FLYWCH1: variants seen among roughly 807,000 people sequenced by gnomAD.
FLYWCH1 encodes FLYWCH-type zinc finger 1.
FLYWCH1 carries 75 observed loss-of-function variants against 66.4 expected under a neutral mutation model. That is an observed-to-expected ratio of 1.13 (90% CI 0.94 to 1.37). FLYWCH1 has a LOEUF of 1.37. Ranked by LOEUF, FLYWCH1 falls within the 40% of genes most tolerant of loss-of-function variation. The pLI is 0.00. For missense variants in FLYWCH1, 1,334 were observed against 1,001.8 expected, an observed-to-expected ratio of 1.33 and a Z score of -4.48; for synonymous variants, 595 against 429.9, an observed-to-expected ratio of 1.38 and a Z score of -4.75.
At position 2,923,034 on chromosome 16, in the gene FLYWCH1, A is replaced by G. The variant is rs189224562; in HGVS notation, c.-73-6579A>G. Reference sequence around the variant, plus strand: ...TTTTTTTGGGGGGGCTGTTGTGTGGATCTTTTTTTGTGTGTGTGTGGCTGT... The same window carrying G: ...TTTTTTTGGGGGGGCTGTTGTGTGGGTCTTTTTTTGTGTGTGTGTGGCTGT... On this transcript the variant is annotated intron_variant, in intron 2 of 9. Transcript: ENST00000253928. 1.5e-3 allele frequency: 673 copies of G among 436,248 alleles called. 7 individuals carry two copies. Among genetic ancestry groups the G allele is most frequent in the African/African-American group, 0.013 (620 of 48,036 alleles). The allele number at this position is 436,248 out of a possible 1,614,324, so 27.0% of individuals were successfully genotyped here.
At chr16:2,936,490 C>T in intron 6 of FLYWCH1, 1 of 447,142 alleles carries the variant, frequency 2.2e-6, no homozygotes. Context: ...TGCTACCCAC[C>T]CCCATCCCCT....
rs540423918 is a variant in FLYWCH1, at chr16:2,929,603, C to G, written c.-73-10C>G. 281 of 1,475,892 alleles carry G rather than the reference C, an allele frequency of 1.9e-4. 2 individuals are homozygous for G. The South Asian group carries it at 3.6e-3, about 19-fold the overall frequency. The allele number at this position is 1,475,892 out of a possible 1,614,324, so 91.4% of individuals were successfully genotyped here. A position where few individuals can be genotyped will look rare whatever the true frequency, so the allele number is the denominator to read the frequency against. ...TTCCACCACTGACGGGATTTTGCTT[C>G]CTTCCTTAGGACGGAACCACTGCAC... is the stretch of plus-strand genomic sequence containing the variant. On this transcript the variant is annotated splice_polypyrimidine_tract_variant and intron_variant, in intron 2 of 9. Coordinates refer to ENST00000253928, the MANE Select transcript of FLYWCH1 (RefSeq NM_001308068.2).
At chr16:2,916,084 C>G (rs2070157764) in intron 2 of FLYWCH1, among the ~76,000 whole-genome samples, 1 of 152,166 alleles carries the variant, frequency 6.6e-6, no homozygotes, top group Non-Finnish European at 1.5e-5. Flanking sequence ...CCGTGGCTCA[C>G]ACCTGTAATC....
At chr16:2,912,349 C>A (rs2070018923) in intron 1 of FLYWCH1, among the ~76,000 whole-genome samples, 195 bp downstream of exon 1, 1 of 151,448 alleles carries the variant, frequency 6.6e-6, no homozygotes, top group Non-Finnish European at 1.5e-5. Context: ...CCCCCCCGTC[C>A]CCTGGCCTAA....
chr16:2,930,455 G>A lies in FLYWCH1; in HGVS notation c.371G>A (p.Arg124His), dbSNP rs989578520. 8 of 1,499,094 alleles carry A rather than the reference G, an allele frequency of 5.3e-6. No homozygotes were observed. Among genetic ancestry groups the A allele is most frequent in the East Asian group, 2.5e-5 (1 of 40,546 alleles). 92.9% of individuals were successfully genotyped at this position (1,499,094 alleles called of 1,614,324 possible). The change falls in exon 4 of 10, where the codon CGC becomes CAC. Residue 124 changes from arginine (R) to histidine (H), a missense_variant. Transcript: ENST00000253928. ...LEFLRTPFGG[R>H]LLVLESFLYK... is the part of the protein sequence containing the mutation. ...TTCCTGAGGACACCATTCGGGGGCC[G>A]CCTCCTGGTGCTGGAGTCCTTCCTG...
intron 9 of FLYWCH1, among the ~76,000 whole-genome samples, chr16:2,945,101 G>C (rs2071424477): frequency 1.3e-5 from 2 of 152,022 alleles, no homozygotes; most frequent in Non-Finnish European, 2.9e-5. Flanking sequence ...TGTAATCCCA[G>C]CACTTTGGGA....
intron 4 of FLYWCH1, among the ~76,000 whole-genome samples, chr16:2,932,236 A>G (rs2070789013): frequency 7.3e-6 from 1 of 137,568 alleles, no homozygotes; most frequent in Non-Finnish European, 1.5e-5. Context: ...GAGCCATTGT[A>G]CTCCAGCCTG....
At chr16:2,933,014 G>C in intron 4 of FLYWCH1, 116 bp from the exon 5 acceptor site, 2 of 918,308 alleles carry the variant, frequency 2.2e-6, no homozygotes, top group Non-Finnish European at 3.2e-6. Flanking sequence ...GGAAGCCAGG[G>C]TAAATTTCAG....
chr16:2,948,090 C>G (rs1315800512), intron 9 of FLYWCH1, among the ~76,000 whole-genome samples: 1 of 151,958 alleles, frequency 6.6e-6, no homozygotes, highest in Non-Finnish European at 1.5e-5. Flanking sequence ...GATGAAGAAC[C>G]TTGAGGCTTG....
chr16:2,933,812 A>C lies in FLYWCH1; in HGVS notation c.1346A>C (p.Tyr449Ser). Residue 449 changes from tyrosine (Y) to serine (S), a missense_variant, in exon 6 of 10, where the codon TAT becomes TCT. Transcript: ENST00000253928. ...GAGAAGGCGGCTGGGGAGAAGGTGT[A>C]TTGGACCTGCCGGGACCAGGCCCGC... is the stretch of plus-strand genomic sequence containing the variant. ...RREKAAGEKV[Y>S]WTCRDQARMG... The C allele has an allele frequency of 6.2e-7, 1 of 1,607,702 alleles. No individual in the cohort carries two copies. Among genetic ancestry groups the C allele is most frequent in the Non-Finnish European group, 8.5e-7 (1 of 1,177,724 alleles).
chr16:2,917,720 G>C (rs972231116), intron 2 of FLYWCH1, among the ~76,000 whole-genome samples: 2 of 152,124 alleles, frequency 1.3e-5, no homozygotes, highest in Non-Finnish European at 2.9e-5. Context: ...TCAAAGTCTA[G>C]TTCACAGTCT....
At chr16:2,946,098 A>G (rs540533924) in intron 9 of FLYWCH1, among the ~76,000 whole-genome samples, 1 of 152,296 alleles carries the variant, frequency 6.6e-6, no homozygotes, top group Non-Finnish European at 1.5e-5. Flanking sequence ...TAATTAAAAA[A>G]AGCAAAAAGT....
chr16:2,934,919 C>CTTTTTTT (rs59963690), intron 6 of FLYWCH1: 4 of 144,356 alleles, frequency 2.8e-5, no homozygotes, highest in Non-Finnish European at 4.3e-5. Flanking sequence ...CTTGCACAGG[C>CTTTTTTT]TTTTTTTTTT....
chr16:2,933,465 C>T lies in FLYWCH1; in HGVS notation c.1132C>T (p.Pro378Ser), dbSNP rs1463316763. ...GGATAGTTTGCTCTACCGCAGGGGT[C>T]CGGGTCCCCTGACTCTCACCAGGCC... is the stretch of plus-strand genomic sequence containing the variant. Reference protein sequence around the residue: ...GVDSLLYRRGPGPLTLTRPRP... With the variant: ...GVDSLLYRRGSGPLTLTRPRP... Residue 378 changes from proline to serine, a missense_variant, in exon 5 of 10, where the codon CCG becomes TCG. By Grantham distance (74) the Pro-to-Ser change is moderately conservative. Coordinates refer to ENST00000253928, the MANE Select transcript of FLYWCH1 (RefSeq NM_001308068.2). The T allele has an allele frequency of 6.2e-7, 1 of 1,603,064 alleles. No homozygotes were observed. The highest frequency in any genetic ancestry group is 8.5e-7 in the Non-Finnish European group (1 of 1,175,604).
intron 6 of FLYWCH1, among the ~76,000 whole-genome samples, chr16:2,934,302 A>G (rs555462063): frequency 1.3e-5 from 2 of 152,234 alleles, no homozygotes; most frequent in African/African-American, 4.8e-5. Flanking sequence ...TTGACTGCAC[A>G]TGGTCAGTCT....
At chr16:2,941,635 G>T (rs900936925) in intron 9 of FLYWCH1, among the ~76,000 whole-genome samples, 1 of 151,734 alleles carries the variant, frequency 6.6e-6, no homozygotes, top group Admixed American at 6.6e-5. Flanking sequence ...CTAGCATTTT[G>T]GGTGGCTAGG....
chr16:2,939,794 A>G (rs545328575), intron 8 of FLYWCH1: 2 of 427,438 alleles, frequency 4.7e-6, no homozygotes, highest in South Asian at 6.6e-5. Flanking sequence ...TTCATCTTTG[A>G]TGTCTAGTTG....
At chr16:2,937,463 T>A (rs1226378830) in intron 7 of FLYWCH1, 79 bp downstream of exon 7, 1 of 1,419,678 alleles carries the variant, frequency 7.0e-7, no homozygotes, top group African/African-American at 1.8e-5. Flanking sequence ...AGGCTGCCCG[T>A]GGGGTGTTGT....
chr16:2,924,777 G>C (rs945013356), intron 2 of FLYWCH1, among the ~76,000 whole-genome samples: 34 of 152,220 alleles, frequency 2.2e-4, no homozygotes, highest in African/African-American at 8.0e-4. Flanking sequence ...CCAAGAGCCT[G>C]AACGGGCAAG....
Sources: allele counts gnomAD v4.1 joint callset (sites outside exome capture counted in the v4.1 genomes callset), GRCh38; gene constraint gnomAD v4.1.1; transcripts MANE v1.5; gene names NCBI Gene and HGNC (gene_info 2026-07-23, HGNC 2026-07-21).